IQSEC1: variants seen among roughly 807,000 people sequenced by gnomAD.
The protein encoded by IQSEC1 is IQ motif and SEC7 domain-containing protein 1.
A neutral mutation model predicts 91.0 loss-of-function variants in IQSEC1; 31 were observed. The ratio of observed to expected loss-of-function variants is 0.34; its 90% CI spans 0.26 to 0.46. The LOEUF (loss-of-function observed/expected upper bound fraction) is 0.46, where lower values mean the gene tolerates loss of function less well. Among genes scored for constraint, IQSEC1 ranks in the 20% least tolerant of loss-of-function variants. The pLI is 1.00. For missense variants in IQSEC1, 1,388 were observed against 1,575.6 expected (o/e 0.88, Z 2.02); for synonymous variants, 699 against 662.6 (o/e 1.05, Z -0.84).
In IQSEC1 at chr3:13,008,648, C is replaced by T. The variant is rs1702739794; in HGVS notation, c.23+64344G>A. On this transcript the variant is annotated intron_variant, in intron 1 of 13. Coordinates refer to ENST00000613206, the MANE Select transcript of IQSEC1 (RefSeq NM_001134382.3). The surrounding 1 kb of genome is among the most constrained non-coding windows in gnomAD (Gnocchi z 4.1). ...TTGTTTACTTGTCACCTCTCTGCCT[C>T]CCCCAACCCCCAAATGCCAGCTCTG... is the stretch of plus-strand genomic sequence containing the variant. 6.6e-6 allele frequency among the ~76,000 whole-genome samples: 1 copy of T among 152,202 alleles called. No homozygotes were observed. The highest frequency in any genetic ancestry group is 2.4e-5 in the African/African-American group (1 of 41,442).
upstream of IQSEC1, among the ~76,000 whole-genome samples, chr3:13,073,768 C>T (rs570228819): frequency 6.6e-6 from 1 of 152,380 alleles, no homozygotes; most frequent in East Asian, 1.9e-4. Context: ...TGGAGTGAGG[C>T]CGGCCGACTC....
In IQSEC1 at chr3:12,967,913, T is replaced by G; in HGVS notation, c.24-26048A>C. 1.9e-5 allele frequency among the ~76,000 whole-genome samples: 1 copy of G among 52,470 alleles called. No individual in the cohort carries two copies. Among genetic ancestry groups the G allele is most frequent in the South Asian group, 8.7e-4 (1 of 1,150 alleles). The allele number at this position is 52,470 out of a possible 152,430, so 34.4% of individuals were successfully genotyped here. Reference sequence around the variant, plus strand: ...GGGGCGGGGGGTCAGGGGCGGGGCGTCAGGGGCGGGGCTACGCGCAGGGGC... The same window carrying G: ...GGGGCGGGGGGTCAGGGGCGGGGCGGCAGGGGCGGGGCTACGCGCAGGGGC... On this transcript the variant is annotated intron_variant, in intron 1 of 13. Transcript: ENST00000613206. This position sits in a 1 kb window ranked among gnomAD's most constrained non-coding sequence, Gnocchi z 5.9.
intron 1 of IQSEC1, among the ~76,000 whole-genome samples, chr3:13,234,324 TGGGTGTGA>T (rs1694886954): frequency 7.5e-6 from 1 of 133,932 alleles, no homozygotes. Flanking sequence ...TGTGTGCCTG[TGGGTGTGA>T]GCCCTGTGTC....
chr3:13,046,392 TGGCTCAGGGAAGCAG>T (rs1559739484), intron 1 of IQSEC1, among the ~76,000 whole-genome samples: 1 of 152,224 alleles, frequency 6.6e-6, no homozygotes. Context: ...AGTCCCTAGC[TGGCTCAGGGAAGCAG>T]GGCCCAGATG....
intron 2 of IQSEC1, among the ~76,000 whole-genome samples, chr3:13,082,208 T>C (rs1481266094): frequency 6.6e-6 from 1 of 152,218 alleles, no homozygotes. Context: ...AATCAACGTG[T>C]CGGTCGGTTG....
chr3:12,988,076 T>C lies in IQSEC1; in HGVS notation c.24-46211A>G, dbSNP rs192836315. Among the ~76,000 whole-genome samples, 639 of 152,324 alleles carry C rather than the reference T, an allele frequency of 4.2e-3. 4 individuals carry two copies. Among genetic ancestry groups the C allele is most frequent in the African/African-American group, 0.015 (606 of 41,574 alleles). On this transcript the variant is annotated intron_variant, in intron 1 of 13. Transcript: ENST00000613206. ...ACCCATGTGGTCCATCACAGTAGAC[T>C]GCATACATAAGCTGTGGCCTGTCGA... is the stretch of plus-strand genomic sequence containing the variant.
intron 1 of IQSEC1, among the ~76,000 whole-genome samples, chr3:13,229,715 C>T (rs1045110506): frequency 3.3e-5 from 5 of 152,224 alleles, no homozygotes; most frequent in African/African-American, 1.2e-4. Flanking sequence ...AGCCTCTGCA[C>T]ACACTGTTCC....
intron 12 of IQSEC1, among the ~76,000 whole-genome samples, chr3:12,903,435 G>C (rs1694601504): frequency 6.6e-6 from 1 of 152,266 alleles, no homozygotes; most frequent in Non-Finnish European, 1.5e-5. Context: ...CAGGAGACAG[G>C]GTTGGGGACT....
At chr3:13,005,369 A>G (rs999224954) in intron 1 of IQSEC1, among the ~76,000 whole-genome samples, 2 of 152,062 alleles carry the variant, frequency 1.3e-5, no homozygotes, top group African/African-American at 4.8e-5. Flanking sequence ...AGATGAGGGG[A>G]TCTGGGGGCC....
At chr3:13,045,907 T>A (rs2125051693) in intron 1 of IQSEC1, among the ~76,000 whole-genome samples, 1 of 152,322 alleles carries the variant, frequency 6.6e-6, no homozygotes, top group East Asian at 1.9e-4. Flanking sequence ...CAAGCACATA[T>A]GTGTCAAAAT....
chr3:13,268,987 A>T (rs1443442676), intron 1 of IQSEC1, among the ~76,000 whole-genome samples: 1 of 152,218 alleles, frequency 6.6e-6, no homozygotes, highest in East Asian at 1.9e-4. Flanking sequence ...AGCACCATGA[A>T]ACGTTCTGAG....
chr3:13,177,777 C>T (rs957536879), intron 1 of IQSEC1, among the ~76,000 whole-genome samples: 1 of 152,250 alleles, frequency 6.6e-6, no homozygotes, highest in Admixed American at 6.5e-5. Flanking sequence ...CACAACCTCA[C>T]AAATGGCCAT....
intron 9 of IQSEC1, 120 bp downstream of exon 9, chr3:12,913,308 C>T: frequency 9.0e-7 from 1 of 1,111,912 alleles, no homozygotes. Flanking sequence ...AGACACCAGG[C>T]AAACCCTCCC....
At chr3:13,081,153 C>T (rs910945848) in intron 2 of IQSEC1, among the ~76,000 whole-genome samples, 1 of 152,186 alleles carries the variant, frequency 6.6e-6, no homozygotes, top group African/African-American at 2.4e-5. Flanking sequence ...AACAGCGTGT[C>T]CATAACACAC....
At chr3:13,059,490 G>T (rs1033530559) in intron 1 of IQSEC1, among the ~76,000 whole-genome samples, 6 of 152,242 alleles carry the variant, frequency 3.9e-5, no homozygotes, top group African/African-American at 1.4e-4. Flanking sequence ...CAGCATGGGG[G>T]CTCATGCCTG....
At chr3:13,175,771 G>A (rs915449349) in intron 1 of IQSEC1, among the ~76,000 whole-genome samples, 2 of 152,234 alleles carry the variant, frequency 1.3e-5, no homozygotes, top group Admixed American at 6.5e-5. Context: ...GTTCACAGAT[G>A]GCACTTTGGT....
chr3:13,063,194 C>T (rs1705127425), intron 1 of IQSEC1, among the ~76,000 whole-genome samples: 1 of 152,254 alleles, frequency 6.6e-6, no homozygotes. Context: ...GCCCTGTTCA[C>T]TGCCCTAGTC....
At chr3:13,131,662 T>C (rs990957819) in intron 2 of IQSEC1, among the ~76,000 whole-genome samples, 2 of 152,046 alleles carry the variant, frequency 1.3e-5, no homozygotes, top group Non-Finnish European at 2.9e-5. Context: ...AACTTTTGTA[T>C]TTTTAGTAGA....
intron 1 of IQSEC1, among the ~76,000 whole-genome samples, chr3:13,227,401 GAAAGA>G (rs372837111): frequency 6.5e-4 from 87 of 134,496 alleles, no homozygotes; most frequent in African/African-American, 2.2e-3. Context: ...AAAAAAGAAA[GAAAGA>G]AAAGAAAACG....
Sources: gnomAD v4.1 joint callset for allele counts (sites outside exome capture counted in the v4.1 genomes callset) on GRCh38, gnomAD v4.1.1 for gene constraint, Gnocchi (gnomAD v3.1) non-coding constraint, MANE v1.5 for transcripts, NCBI Gene and HGNC (gene_info 2026-07-23, HGNC 2026-07-21) for gene names.